GUCY2F: variants seen among roughly 807,000 people sequenced by gnomAD.
GUCY2F encodes guanylate cyclase 2F, retinal.
GUCY2F carries 61 observed loss-of-function variants against 73.1 expected under a neutral mutation model. The observed-to-expected ratio is 0.83, with a 90% CI of 0.68 to 1.03. The LOEUF is 1.03. GUCY2F is among the 50% of genes least tolerant of loss of function. The pLI is 0.00. For synonymous variants in GUCY2F, 331 were observed against 307.8 expected, an observed-to-expected ratio of 1.08 and a Z score of -0.79; for missense variants, 912 against 854.3, an observed-to-expected ratio of 1.07 and a Z score of -0.84.
At chrX:109,446,074 G>C (rs1470063345) in intron 6 of GUCY2F, among the ~76,000 whole-genome samples, 1 of 111,840 alleles carries the variant, frequency 8.9e-6, no homozygotes, top group African/African-American at 3.3e-5. Flanking sequence ...TAAGGGATGT[G>C]AAGGAACTTT....
chrX:109,382,209 T>G lies in GUCY2F; in HGVS notation c.3059A>C (p.Tyr1020Ser), dbSNP rs1220120990. The change falls in exon 17 of 20, where the codon TAT (tyrosine) becomes TCT (serine). Residue 1020 changes from tyrosine (Y) to serine (S), a missense_variant. Physicochemically the swap from Tyr to Ser is moderately radical, Grantham distance 144. Transcript: ENST00000218006. ...ASRMESTGLP[Y>S]RIHVSLSTVT... is the part of the protein sequence containing the mutation. ...AGTGCTGAGACTGACATGAATGCGATAAGCTGCAAAAGAAGGAGAGACATG... is the reference window on the plus strand; with the variant it reads ...AGTGCTGAGACTGACATGAATGCGAGAAGCTGCAAAAGAAGGAGAGACATG... 2 of 1,140,717 alleles carry G rather than the reference T, an allele frequency of 1.8e-6. No individual in the cohort carries two copies. Among genetic ancestry groups the G allele is most frequent in the Admixed American group, 4.4e-5 (2 of 45,572 alleles). The allele number at this position is 1,140,717 out of a possible 1,213,427, so 94.0% of individuals were successfully genotyped here.
At chrX:109,398,410 C>T (rs762803702) in intron 11 of GUCY2F, 139 bp downstream of exon 11, 1 of 554,287 alleles carries the variant, frequency 1.8e-6, no homozygotes, top group East Asian at 3.4e-5. Flanking sequence ...ATAAGTCCCA[C>T]CTGTACATAA....
intron 15 of GUCY2F, among the ~76,000 whole-genome samples, chrX:109,387,414 G>A (rs763818811): frequency 2.7e-5 from 3 of 111,940 alleles, no homozygotes; most frequent in East Asian, 2.8e-4. Flanking sequence ...TAGATGTGTC[G>A]AGTCTAAGGT....
chrX:109,477,374 G>A (rs753820542), intron 1 of GUCY2F, among the ~76,000 whole-genome samples: 10 of 111,644 alleles, frequency 9.0e-5, no homozygotes, highest in Non-Finnish European at 1.5e-4. Flanking sequence ...TGGGAGAGAC[G>A]ATGCATTCTG....
intron 14 of GUCY2F, 112 bp from the exon 15 acceptor site, chrX:109,388,775 C>T (rs1930498174): frequency 2.1e-6 from 1 of 475,285 alleles, no homozygotes; most frequent in Non-Finnish European, 3.6e-6. Flanking sequence ...GTGAGAAAGG[C>T]AGAGAGGGAC....
At chrX:109,449,259 G>T (rs886397058) in intron 5 of GUCY2F, among the ~76,000 whole-genome samples, 9 of 112,390 alleles carry the variant, frequency 8.0e-5, no homozygotes, top group Admixed American at 3.8e-4. Flanking sequence ...GTTTTTCTCA[G>T]TGATTCCACT....
At chrX:109,383,360 C>T (rs765826982) in intron 16 of GUCY2F, 426 of 663,045 alleles carry the variant, frequency 6.4e-4, no homozygotes, top group Non-Finnish European at 7.3e-4. Flanking sequence ...ATAGCTCATA[C>T]CAACCACCAT....
At chrX:109,420,781 C>G (rs1478493288) in intron 8 of GUCY2F, among the ~76,000 whole-genome samples, 5 of 111,330 alleles carry the variant, frequency 4.5e-5, no homozygotes, top group Non-Finnish European at 9.5e-5. Flanking sequence ...TTCACACACA[C>G]TAGAAAGGCA....
chrX:109,479,925 AAC>A (rs1932754858), intron 1 of GUCY2F, among the ~76,000 whole-genome samples: 1 of 111,767 alleles, frequency 8.9e-6, no homozygotes, highest in Non-Finnish European at 1.9e-5. Context: ...AAGAAATCTA[AAC>A]AAGAAAAGCA....
chrX:109,453,703 C>T lies in GUCY2F; in HGVS notation c.1189G>A (p.Asp397Asn), dbSNP rs1470612001. Residue 397 changes from aspartate to asparagine, a missense_variant, in exon 4 of 20, where the codon GAT (aspartate) becomes AAT (asparagine). Coordinates refer to ENST00000218006, the MANE Select transcript of GUCY2F (RefSeq NM_001522.3). ...FHGFNQLMRT[D>N]SNGNGISEYV... Reference sequence around the variant, plus strand: ...TCTGAAATTCCATTTCCATTTGAATCTGTCCTCATCAACTGGTTGAATCCA... The same window carrying T: ...TCTGAAATTCCATTTCCATTTGAATTTGTCCTCATCAACTGGTTGAATCCA... The T allele has an allele frequency of 8.3e-7, 1 of 1,204,795 alleles. No homozygotes were observed. The highest frequency in any genetic ancestry group is 3.0e-5 in the East Asian group (1 of 33,820).
In GUCY2F at chrX:109,395,452, G is replaced by C; in HGVS notation, c.2313C>G (p.Tyr771Ter). 1 of 1,198,550 alleles carries C rather than the reference G, an allele frequency of 8.3e-7. No homozygotes were observed. Among genetic ancestry groups the C allele is most frequent in the South Asian group, 1.8e-5 (1 of 56,586 alleles). Residue 771 changes from tyrosine to a stop codon, truncating the protein, a stop_gained, in exon 12 of 20, where the codon TAC (tyrosine) becomes TAG (stop). Coordinates refer to ENST00000218006, the MANE Select transcript of GUCY2F (RefSeq NM_001522.3). LOFTEE classifies it high-confidence loss of function. ...INRLKKPPPV[Y>*]RPVVPPEHAP... ...CATGCTCAGGAGGAACTACTGGTCT[G>C]TACACAGGAGGAGGCTTCTTAAGTC...
intron 8 of GUCY2F, among the ~76,000 whole-genome samples, chrX:109,411,347 G>A (rs181627141): frequency 0.024 from 2,596 of 109,795 alleles, 74 homozygotes; most frequent in African/African-American, 0.073. Context: ...GCCTCAGGCA[G>A]TAATTTACTC....
intron 2 of GUCY2F, among the ~76,000 whole-genome samples, chrX:109,469,901 A>T (rs1183284875): frequency 1.8e-5 from 2 of 111,480 alleles, no homozygotes; most frequent in African/African-American, 6.5e-5. Context: ...ACACTATACT[A>T]GGTGATGTGT....
In GUCY2F at chrX:109,385,263, C is replaced by T. The variant is rs762772953; in HGVS notation, c.2976G>A (p.Val992=). 8 of 1,172,045 alleles carry T rather than the reference C, an allele frequency of 6.8e-6. No homozygotes were observed. The East Asian group carries it at 2.1e-4, about 31-fold the overall frequency. Residue 992 remains valine (V), a synonymous_variant, in exon 16 of 20, where the codon GTG becomes GTA. Coordinates refer to ENST00000218006, the MANE Select transcript of GUCY2F (RefSeq NM_001522.3). The part of the protein sequence containing the change: ...GLHSGPVVAG[V]VGLTMPRYCL... ...AGTATCTGGGCATGGTGAGGCCCAC[C>T]ACTCCAGCAACAACCGGCCCTATAG...
chrX:109,437,494 TAA>T (rs1931778839), intron 7 of GUCY2F, among the ~76,000 whole-genome samples: 2 of 112,452 alleles, frequency 1.8e-5, no homozygotes, highest in African/African-American at 6.5e-5. Context: ...CCCCACCAAG[TAA>T]AACATACCAC....
At chrX:109,442,151 G>C (rs772963443) in intron 6 of GUCY2F, among the ~76,000 whole-genome samples, 49 of 111,750 alleles carry the variant, frequency 4.4e-4, no homozygotes, top group African/African-American at 1.6e-3. Context: ...GTAGGAAAGG[G>C]CTCGGAACTG....
At position 109,452,052 on chromosome X, in the gene GUCY2F, C is replaced by T; in HGVS notation, c.1443G>A (p.Leu481=). Residue 481 remains leucine, a synonymous_variant, in exon 5 of 20, where the codon CTG becomes CTA. Transcript: ENST00000218006. ...MVCLTLLIAL[L]SINGFAYFIR... ...TAAAGTAAGCAAATCCATTAATAGA[C>T]AGCAGGGCTATAAGCAAAGTAAGGC... 1 of 1,111,165 alleles carries T rather than the reference C, an allele frequency of 9.0e-7. No individual in the cohort carries two copies. Among genetic ancestry groups the T allele is most frequent in the Non-Finnish European group, 1.2e-6 (1 of 804,057 alleles). The allele number at this position is 1,111,165 out of a possible 1,213,427, so 91.6% of individuals were successfully genotyped here. A position where few individuals can be genotyped will look rare whatever the true frequency, so the allele number is the denominator to read the frequency against.
At chrX:109,438,691 T>C (rs914605321) in intron 7 of GUCY2F, among the ~76,000 whole-genome samples, 1 of 112,887 alleles carries the variant, frequency 8.9e-6, no homozygotes, top group Non-Finnish European at 1.9e-5. Flanking sequence ...GTGCAACCCA[T>C]GCCACAGCTC....
At chrX:109,476,763 TA>T (rs1569379094) in intron 1 of GUCY2F, among the ~76,000 whole-genome samples, 1 of 106,872 alleles carries the variant, frequency 9.4e-6, no homozygotes, top group Non-Finnish European at 1.9e-5. Context: ...GATAGATAGA[TA>T]GATAGATAGA....
Sources: gnomAD v4.1 joint callset for allele counts (sites outside exome capture counted in the v4.1 genomes callset) on GRCh38, gnomAD v4.1.1 for gene constraint, MANE v1.5 for transcripts, NCBI Gene and HGNC (gene_info 2026-07-23, HGNC 2026-07-21) for gene names.